RGS20: variants seen among roughly 807,000 people sequenced by gnomAD.
The protein encoded by RGS20 is gz-selective GTPase-activating protein.
RGS20 carries 30 observed loss-of-function variants against 33.6 expected under a neutral mutation model. That is an observed-to-expected ratio of 0.89 (90% CI 0.67 to 1.21). RGS20 has a LOEUF of 1.21. RGS20 is among the 50% of genes most tolerant of loss of function. The pLI is 0.00. For synonymous variants in RGS20, 208 were observed against 197.9 expected (o/e 1.05, Z -0.43); for missense variants, 472 against 502.4 (o/e 0.94, Z 0.58).
chr8:53,943,524 G>A (rs1298054014), intron 3 of RGS20, among the ~76,000 whole-genome samples: 1 of 151,968 alleles, frequency 6.6e-6, no homozygotes, highest in African/African-American at 2.4e-5. Flanking sequence ...AAAACACAGC[G>A]AGCAACTATC....
At chr8:53,883,157 CTTT>C (rs572625682) in intron 2 of RGS20, among the ~76,000 whole-genome samples, 2 of 143,282 alleles carry the variant, frequency 1.4e-5, no homozygotes, top group South Asian at 4.9e-4. Flanking sequence ...ATCTTTCTTT[CTTT>C]TTTTTTTTTC....
At chr8:53,922,907 T>G (rs1813692304) in intron 2 of RGS20, among the ~76,000 whole-genome samples, 1 of 152,160 alleles carries the variant, frequency 6.6e-6, no homozygotes, top group Non-Finnish European at 1.5e-5. Flanking sequence ...GTGAGCCTCC[T>G]TCCTTGACCT....
intron 2 of RGS20, chr8:53,880,980 C>A: frequency 6.3e-7 from 1 of 1,589,420 alleles, no homozygotes; most frequent in Non-Finnish European, 8.5e-7. Flanking sequence ...GGGCAGCCCT[C>A]CGCGCTGCAA....
intron 3 of RGS20, among the ~76,000 whole-genome samples, chr8:53,942,508 A>G (rs1247145189): frequency 2.0e-5 from 3 of 151,814 alleles, no homozygotes; most frequent in Non-Finnish European, 4.4e-5. Flanking sequence ...CCCTGGAAAA[A>G]CTTCTCACAC....
At chr8:53,855,333 G>A (rs1450455427) in intron 1 of RGS20, among the ~76,000 whole-genome samples, 1 of 152,096 alleles carries the variant, frequency 6.6e-6, no homozygotes, top group East Asian at 1.9e-4. Context: ...TCAAAGTGCT[G>A]GGATTACTGA....
chr8:53,917,719 C>T (rs7838761), intron 2 of RGS20, among the ~76,000 whole-genome samples: 62,152 of 152,038 alleles, frequency 0.41, 15,949 homozygotes, highest in African/African-American at 0.74. Context: ...CAGTGAGCTA[C>T]TATCACACCA....
chr8:53,870,141 C>T (rs1812029588), intron 1 of RGS20, among the ~76,000 whole-genome samples: 1 of 152,156 alleles, frequency 6.6e-6, no homozygotes, highest in Non-Finnish European at 1.5e-5. Flanking sequence ...AGTCAGTCTC[C>T]ATCCCACCTT....
intron 2 of RGS20, among the ~76,000 whole-genome samples, chr8:53,925,341 AGT>A (rs1813761599): frequency 6.6e-6 from 1 of 152,092 alleles, no homozygotes; most frequent in Admixed American, 6.6e-5. Context: ...TTTGGATGGA[AGT>A]GATGGGTGGA....
chr8:53,922,363 A>T (rs1813672022), intron 2 of RGS20, among the ~76,000 whole-genome samples: 2 of 151,978 alleles, frequency 1.3e-5, no homozygotes, highest in Admixed American at 1.3e-4. Context: ...ATATTTTTCC[A>T]TCCTTTTACT....
rs1339427821 is a variant in RGS20 at position 53,889,420 on chromosome 8, T to C, written c.510+9818T>C. On this transcript the variant is annotated intron_variant, in intron 2 of 5. Transcript: ENST00000297313. ...TCTTTCTCTCTCTCTCTCTTTTTTT[T>C]TTTTTTTTTTTTTTTTTTTTTTTTT... is the stretch of plus-strand genomic sequence containing the variant. 4.8e-3 allele frequency among the ~76,000 whole-genome samples: 343 copies of C among 70,876 alleles called. 57 individuals carry two copies. The highest frequency in any genetic ancestry group is 0.047 in the African/African-American group (328 of 7,018). 46.5% of individuals were successfully genotyped at this position (70,876 alleles called of 152,430 possible).
rs566058935 is a variant in RGS20 at position 53,891,552 on chromosome 8, C to T, written c.510+11950C>T. 3.3e-5 allele frequency among the ~76,000 whole-genome samples: 5 copies of T among 152,148 alleles called. No homozygotes were observed. The East Asian group carries it at 9.7e-4, about 29-fold the overall frequency. On this transcript the variant is annotated intron_variant, in intron 2 of 5. Transcript: ENST00000297313. The stretch of plus-strand genomic sequence containing the variant: ...AGGAGAATCGCTTGAACCCGGGAGG[C>T]AGAGATTGCAGTGAGCCAAGATCAT...
chr8:53,929,103 T>A (rs935952671), intron 2 of RGS20, among the ~76,000 whole-genome samples: 1 of 152,026 alleles, frequency 6.6e-6, no homozygotes, highest in Non-Finnish European at 1.5e-5. Flanking sequence ...AATTAATGGA[T>A]ATAGAGAGAA....
rs896769278 is a variant in RGS20, at chr8:53,939,732, T to C, written c.659+8T>C. 3 of 1,547,862 alleles carry C rather than the reference T, an allele frequency of 1.9e-6. No homozygotes were observed. The highest frequency in any genetic ancestry group is 1.2e-5 in the South Asian group (1 of 83,404). On this transcript the variant is annotated splice_region_variant and intron_variant, in intron 3 of 5. Coordinates refer to ENST00000297313, the MANE Select transcript of RGS20 (RefSeq NM_170587.4). Reference sequence around the variant, plus strand: ...CTGTTGTAGCTGCTCGTGGTAAGGTTTGGGGCTTTTTAATGAATGTGCTCC... The same window carrying C: ...CTGTTGTAGCTGCTCGTGGTAAGGTCTGGGGCTTTTTAATGAATGTGCTCC...
intron 2 of RGS20, among the ~76,000 whole-genome samples, chr8:53,890,021 T>G (rs1812668909): frequency 6.6e-6 from 1 of 152,202 alleles, no homozygotes; most frequent in East Asian, 1.9e-4. Context: ...TTGGAAAATT[T>G]TCACTCAATA....
chr8:53,958,394 T>G lies in RGS20; in HGVS notation c.1103T>G (p.Phe368Cys), dbSNP rs769961251. ...ATGCACAGAGACTCATATCCTCGAT[T>G]CATGAACTCTGCTGTCTATAAGGAC... The change falls in exon 6 of 6, where the codon TTC becomes TGC. Residue 368 changes from phenylalanine (F) to cysteine (C), a missense_variant. Physicochemically the swap from Phe to Cys is radical, Grantham distance 205 (BLOSUM62 -2). Around this residue, in one of 3 missense-constraint regions of RGS20, gnomAD observed 125 missense variants for 169.5 expected, o/e 0.74. Transcript: ENST00000297313. The G allele has an allele frequency of 4.3e-6, 7 of 1,613,524 alleles. No homozygotes were observed. The highest frequency in any genetic ancestry group is 4.2e-6 in the Non-Finnish European group (5 of 1,179,668).
At chr8:53,893,790 A>G (rs1300885639) in intron 2 of RGS20, among the ~76,000 whole-genome samples, 1 of 152,232 alleles carries the variant, frequency 6.6e-6, no homozygotes, top group Non-Finnish European at 1.5e-5. Flanking sequence ...ACACCAGAAC[A>G]TCATAACCAG....
chr8:53,880,880 G>C (rs1812346132), intron 2 of RGS20: 1 of 1,477,052 alleles, frequency 6.8e-7, no homozygotes, highest in Admixed American at 2.3e-5. Flanking sequence ...GCAGAGCAAG[G>C]GGAGGAAGAG....
intron 2 of RGS20, among the ~76,000 whole-genome samples, chr8:53,910,982 G>A (rs1813332610): frequency 6.6e-6 from 1 of 152,120 alleles, no homozygotes; most frequent in African/African-American, 2.4e-5. Flanking sequence ...AACTAGTCAG[G>A]CTAGTCAAGA....
chr8:53,902,818 C>T (rs554164836), intron 2 of RGS20, among the ~76,000 whole-genome samples: 148 of 152,230 alleles, frequency 9.7e-4, no homozygotes, highest in African/African-American at 3.2e-3. Context: ...CTCTGCCTCC[C>T]GGATTCAAGT....
Sources: gnomAD v4.1 joint callset for allele counts (sites outside exome capture counted in the v4.1 genomes callset) on GRCh38, gnomAD v4.1.1 for gene constraint, gnomAD v4.1.1 regional missense constraint, MANE v1.5 for transcripts, NCBI Gene and HGNC (gene_info 2026-07-23, HGNC 2026-07-21) for gene names.